Variants in SNX13 observed in about 807,000 individuals in gnomAD.
SNX13 encodes the protein sorting nexin-13.
SNX13 carries 45 observed loss-of-function variants against 133.6 expected under a neutral mutation model. That is an observed-to-expected ratio of 0.34 (90% confidence interval 0.27 to 0.43). The LOEUF (loss-of-function observed/expected upper bound fraction) is 0.43. SNX13 is among the 20% of genes least tolerant of loss of function. SNX13 has a pLI of 1.00. For missense variants in SNX13, 1,032 were observed against 1,145.1 expected, an observed-to-expected ratio of 0.90 and a Z score of 1.43; for synonymous variants, 414 against 373.9, an observed-to-expected ratio of 1.11 and a Z score of -1.24.
chr7:17,821,694 A>G, intron 17 of SNX13, 46 bp from the exon 18 acceptor site: 1 of 1,533,998 alleles, frequency 6.5e-7, no homozygotes, highest in African/African-American at 1.4e-5. Context: ...AATCATTTAA[A>G]ACAAAATGAA....
chr7:17,840,114 T>G (rs777978824), intron 12 of SNX13, 114 bp from the exon 13 acceptor site: 4 of 800,446 alleles, frequency 5.0e-6, no homozygotes, highest in Non-Finnish European at 7.1e-6. Flanking sequence ...AAACTCCACA[T>G]TTTGAAAATG....
intron 1 of SNX13, among the ~76,000 whole-genome samples, chr7:17,911,829 G>C (rs1045914326): frequency 1.3e-5 from 2 of 150,956 alleles, no homozygotes; most frequent in Non-Finnish European, 3.0e-5. Flanking sequence ...TAAATAAGTA[G>C]ATTTTTTTAA....
At chr7:17,847,079 A>G (rs1328663171) in intron 11 of SNX13, among the ~76,000 whole-genome samples, 1 of 152,240 alleles carries the variant, frequency 6.6e-6, no homozygotes, top group Non-Finnish European at 1.5e-5. Flanking sequence ...GTGCCTGGGT[A>G]AATACACTGA....
intron 17 of SNX13, among the ~76,000 whole-genome samples, chr7:17,825,088 T>C (rs1787742218): frequency 6.6e-6 from 1 of 152,154 alleles, no homozygotes. Context: ...TTCTTAACAA[T>C]GCCTAGCACA....
At chr7:17,816,414 C>G in intron 18 of SNX13, 125 bp from the exon 19 acceptor site, 1 of 1,185,160 alleles carries the variant, frequency 8.4e-7, no homozygotes. Flanking sequence ...GTAATCCCAG[C>G]ACTTTGGGAG....
At chr7:17,865,491 A>T (rs1793279814) in intron 9 of SNX13, among the ~76,000 whole-genome samples, 1 of 152,198 alleles carries the variant, frequency 6.6e-6, no homozygotes, top group Non-Finnish European at 1.5e-5. Flanking sequence ...AGACACAAAA[A>T]AAATGAAAAG....
intron 9 of SNX13, among the ~76,000 whole-genome samples, chr7:17,851,330 A>G (rs1791183380): frequency 6.6e-6 from 1 of 152,248 alleles, no homozygotes; most frequent in South Asian, 2.1e-4. Flanking sequence ...CTCTGAAGCA[A>G]GTCAGAAGTT....
At chr7:17,924,571 T>TA (rs1404847388) in intron 1 of SNX13, among the ~76,000 whole-genome samples, 3 of 152,132 alleles carry the variant, frequency 2.0e-5, no homozygotes, top group African/African-American at 7.2e-5. Context: ...CTCAAAAGGT[T>TA]AAAGAATTAC....
At position 17,793,781 on chromosome 7, in the gene SNX13, C is replaced by T. The variant is rs1007079685; in HGVS notation, c.*264G>A. On this transcript the variant is annotated 3_prime_UTR_variant, in exon 26 of 26. Transcript: ENST00000428135. ...ATTAGTTTGAAATGGAAGAAACCAA[C>T]GCCATTCTTGCTTGAGATGGGGGCA... The T allele has an allele frequency of 2.1e-5, 7 of 335,824 alleles. No homozygotes were observed. The highest frequency in any genetic ancestry group is 4.8e-5 in the South Asian group (1 of 20,916). 20.8% of individuals were successfully genotyped at this position (335,824 alleles called of 1,614,324 possible). A position where few individuals can be genotyped will look rare whatever the true frequency, so the allele number is the denominator to read the frequency against.
chr7:17,800,982 T>C (rs1192401466), intron 22 of SNX13, among the ~76,000 whole-genome samples: 1 of 143,568 alleles, frequency 7.0e-6, no homozygotes, highest in Non-Finnish European at 1.5e-5. Context: ...TTTGAAAAAG[T>C]ACTTGGCAGT....
intron 17 of SNX13, 27 bp downstream of exon 17, chr7:17,825,995 C>A (rs1401003171): frequency 1.4e-6 from 2 of 1,394,124 alleles, no homozygotes; most frequent in South Asian, 1.5e-5. Flanking sequence ...AGTTTTAATG[C>A]AATAATTATA....
At chr7:17,890,187 G>T in intron 5 of SNX13, 176 bp downstream of exon 5, 2 of 460,848 alleles carry the variant, frequency 4.3e-6, no homozygotes, top group Non-Finnish European at 7.2e-6. Flanking sequence ...TAAAATCTGG[G>T]GTAATTTAAA....
chr7:17,799,422 C>T (rs757866423), intron 22 of SNX13, among the ~76,000 whole-genome samples: 5 of 151,644 alleles, frequency 3.3e-5, no homozygotes, highest in Admixed American at 6.6e-5. Flanking sequence ...TCATGATGGT[C>T]CTAGGAAAAG....
intron 17 of SNX13, among the ~76,000 whole-genome samples, chr7:17,823,842 A>G (rs1787576371): frequency 6.6e-6 from 1 of 152,218 alleles, no homozygotes. Flanking sequence ...GAGGCCAATT[A>G]GGCAGCTAAC....
At chr7:17,864,869 C>T (rs147957635) in intron 9 of SNX13, among the ~76,000 whole-genome samples, 2 of 152,016 alleles carry the variant, frequency 1.3e-5, no homozygotes, top group East Asian at 1.9e-4. Flanking sequence ...GCAAATAACA[C>T]AAAGGAGCTC....
At chr7:17,890,549 C>T in intron 4 of SNX13, 65 bp from the exon 5 acceptor site, 1 of 1,288,600 alleles carries the variant, frequency 7.8e-7, no homozygotes, top group Non-Finnish European at 1.1e-6. Flanking sequence ...CAGTGGTAAA[C>T]TAAAAAAGTA....
chr7:17,907,493 A>C (rs931497705), intron 1 of SNX13, among the ~76,000 whole-genome samples: 1 of 152,214 alleles, frequency 6.6e-6, no homozygotes, highest in Middle Eastern at 3.2e-3. Context: ...CTGAGTAAGC[A>C]TTTAAAAATC....
chr7:17,921,028 G>A (rs565959146), intron 1 of SNX13, among the ~76,000 whole-genome samples: 1 of 152,086 alleles, frequency 6.6e-6, no homozygotes, highest in Non-Finnish European at 1.5e-5. Flanking sequence ...AGCCTCCCCC[G>A]CCAGTGTTAG....
At chr7:17,837,105 A>G (rs1789225310) in intron 13 of SNX13, among the ~76,000 whole-genome samples, 1 of 151,890 alleles carries the variant, frequency 6.6e-6, no homozygotes, top group Non-Finnish European at 1.5e-5. Context: ...GTGTCAATCC[A>G]ATGTGAAGGA....
Sources: gnomAD v4.1 joint callset for allele counts (sites outside exome capture counted in the v4.1 genomes callset) on GRCh38, gnomAD v4.1.1 for gene constraint, MANE v1.5 for transcripts, NCBI Gene and HGNC (gene_info 2026-07-23, HGNC 2026-07-21) for gene names.